SYT3: variants seen among roughly 807,000 people sequenced by gnomAD.
SYT3 encodes synaptotagmin-3.
A neutral mutation model predicts 50.6 loss-of-function variants in SYT3; 25 were observed. The ratio of observed to expected loss-of-function variants is 0.49; its 90% CI spans 0.36 to 0.69. SYT3 has a LOEUF of 0.69. Ranked by LOEUF, SYT3 falls within the 30% of genes least tolerant of loss-of-function variation. The probability of loss-of-function intolerance (pLI) is 0.00; values close to 1 mark genes in which losing one functional copy is unlikely to be tolerated. For synonymous variants in SYT3, 323 were observed against 353.9 expected, an observed-to-expected ratio of 0.91 and a Z score of 0.98; for missense variants, 589 against 793.6, an observed-to-expected ratio of 0.74 and a Z score of 3.10.
chr19:50,629,032 C>G (rs1044678141), intron 6 of SYT3, among the ~76,000 whole-genome samples: 18 of 152,032 alleles, frequency 1.2e-4, no homozygotes, highest in African/African-American at 4.3e-4. Flanking sequence ...CCATGTTGGC[C>G]AGGCTGGTCT....
chr19:50,628,609 T>G (rs1425095828), intron 6 of SYT3, among the ~76,000 whole-genome samples: 1 of 151,826 alleles, frequency 6.6e-6, no homozygotes, highest in Non-Finnish European at 1.5e-5. Flanking sequence ...GTTCAGAGAT[T>G]AGAGAGGGAC....
At chr19:50,652,139 A>G in the SYT3 span, among the ~76,000 whole-genome samples, 1 of 152,182 alleles carries the variant, frequency 6.6e-6, no homozygotes, top group Non-Finnish European at 1.5e-5. Context: ...GTGAACCACC[A>G]TGCCCGGCCT....
At chr19:50,636,845 T>C (rs1228591971) in intron 3 of SYT3, among the ~76,000 whole-genome samples, 1 of 152,186 alleles carries the variant, frequency 6.6e-6, no homozygotes, top group Non-Finnish European at 1.5e-5. Flanking sequence ...TTTCATCTGC[T>C]CTATGAAGCA....
chr19:50,630,299 T>C (rs1984254508), intron 4 of SYT3, 128 bp from the exon 5 acceptor site: 1 of 951,336 alleles, frequency 1.1e-6, no homozygotes, highest in Non-Finnish European at 1.5e-6. Context: ...AGTCCCCTCC[T>C]TTGCTCACTG....
the SYT3 span, among the ~76,000 whole-genome samples, chr19:50,646,882 G>A: frequency 6.6e-6 from 1 of 152,058 alleles, no homozygotes; most frequent in African/African-American, 2.4e-5. Context: ...CCAGGCTGGA[G>A]TGCAGTGGCG....
At chr19:50,626,119 C>T (rs1008230940) in intron 6 of SYT3, 102 bp from the exon 7 acceptor site, 2 of 1,471,948 alleles carry the variant, frequency 1.4e-6, no homozygotes, top group Non-Finnish European at 1.8e-6. Flanking sequence ...CCCTGACATC[C>T]AGGGCTCAGG....
chr19:50,653,682 G>GCACACACA, the SYT3 span, among the ~76,000 whole-genome samples: 115 of 121,920 alleles, frequency 9.4e-4, 1 homozygote, highest in East Asian at 2.1e-3. Flanking sequence ...ATGAGAGACA[G>GCACACACA]CACACACACA....
At chr19:50,649,300 G>C in the SYT3 span, 1 of 767,104 alleles carries the variant, frequency 1.3e-6, no homozygotes. Context: ...CATGGTCTCA[G>C]CCTTCCAGTT....
rs1301626933 is a variant in SYT3, at chr19:50,632,027, C to T, written c.674+259G>A. Among the ~76,000 whole-genome samples the T allele has an allele frequency of 6.6e-6, 1 of 152,024 alleles. No individual in the cohort carries two copies. The highest frequency in any genetic ancestry group is 2.4e-5 in the African/African-American group (1 of 41,382). On this transcript the variant is annotated intron_variant, in intron 4 of 10. Transcript: ENST00000600079. This position sits in a 1 kb window ranked among gnomAD's most constrained non-coding sequence, Gnocchi z 4.7. The stretch of plus-strand genomic sequence containing the variant: ...CTACTTTCCTGTCCTAAGTCCTGCC[C>T]CCAGTCTCCTCCCTCTGGACCCAGG...
the SYT3 span, among the ~76,000 whole-genome samples, chr19:50,647,840 A>G: frequency 2.6e-5 from 4 of 152,168 alleles, no homozygotes; most frequent in African/African-American, 9.7e-5. Context: ...CAAGGCAATC[A>G]TGTCCTCCAT....
the SYT3 span, among the ~76,000 whole-genome samples, chr19:50,653,887 T>G: frequency 3.3e-5 from 5 of 152,092 alleles, no homozygotes; most frequent in African/African-American, 1.2e-4. Flanking sequence ...CTGGGAATCT[T>G]CATCTCATTG....
the SYT3 span, among the ~76,000 whole-genome samples, chr19:50,655,079 C>G: frequency 6.6e-6 from 1 of 152,222 alleles, no homozygotes; most frequent in Non-Finnish European, 1.5e-5. Context: ...AGTTACACCT[C>G]TCACTCCAGC....
rs1468288601 is a variant in SYT3, at chr19:50,629,980, G to A, written c.866C>T (p.Pro289Leu). The A allele has an allele frequency of 6.2e-7, 1 of 1,613,634 alleles. No homozygotes were observed. Among genetic ancestry groups the A allele is most frequent in the Non-Finnish European group, 8.5e-7 (1 of 1,179,838 alleles). ...GPGGRRSGGG[P>L]GSGEAGTGAP... ...CCCTGTGCCTGCCTCTCCAGAGCCTGGGCCCCCACCGCTCCGCCGGCCACC... is the reference window on the plus strand; with the variant it reads ...CCCTGTGCCTGCCTCTCCAGAGCCTAGGCCCCCACCGCTCCGCCGGCCACC... Residue 289 changes from proline to leucine, a missense_variant, in exon 5 of 11, where the codon CCA becomes CTA. Pro to Leu is a moderately conservative substitution (Grantham distance 98, BLOSUM62 -3). Around this residue, in one of 2 missense-constraint regions of SYT3, gnomAD observed 273 missense variants for 439.3 expected, o/e 0.62. Transcript: ENST00000600079.
chr19:50,657,866 T>C, the SYT3 span: 172 of 1,294,724 alleles, frequency 1.3e-4, no homozygotes, highest in African/African-American at 2.5e-3. Context: ...GAGCGATCCT[T>C]GCCCCTCAAA....
rs749329471 is a variant in SYT3, at chr19:50,637,253, G to A, written c.148+11C>T. 6.2e-7 allele frequency: 1 copy of A among 1,611,444 alleles called. No homozygotes were observed. The highest frequency in any genetic ancestry group is 1.1e-5 in the South Asian group (1 of 91,028). ...AGCAGGGGGCTGGCCAAGACAGGCA[G>A]GGGTGCTGACCTGCATCTGGACCCC... On this transcript the variant is annotated intron_variant, in intron 3 of 10. Coordinates refer to ENST00000600079, the MANE Select transcript of SYT3 (RefSeq NM_001160329.2). The surrounding 1 kb of genome is among the most constrained non-coding windows in gnomAD (Gnocchi z 4.9).
In SYT3 at chr19:50,639,347, T is replaced by G. The variant is rs1984595387; in HGVS notation, c.-153-185A>C. ...TCGCGCTCGCGCTGCTGCGGCTTCA[T>G]AGACCCGGCGCTGCAGGATCTGCTG... On this transcript the variant is annotated intron_variant, in intron 1 of 10. Coordinates refer to ENST00000600079, the MANE Select transcript of SYT3 (RefSeq NM_001160329.2). The surrounding 1 kb of genome is among the most constrained non-coding windows in gnomAD (Gnocchi z 4.6). The G allele has an allele frequency of 6.6e-6, 1 of 151,874 alleles. No homozygotes were observed. The highest frequency in any genetic ancestry group is 6.6e-5 in the Admixed American group (1 of 15,258). The allele number at this position is 151,874 out of a possible 1,614,324, so 9.4% of individuals were successfully genotyped here. A position where few individuals can be genotyped will look rare whatever the true frequency, so the allele number is the denominator to read the frequency against.
rs868648216 is a variant in SYT3 at position 50,632,553 on chromosome 19, G to T, written c.407C>A (p.Ala136Asp). The T allele has an allele frequency of 6.3e-7, 1 of 1,599,574 alleles. No homozygotes were observed. Among genetic ancestry groups the T allele is most frequent in the South Asian group, 1.1e-5 (1 of 90,514 alleles). ...CTCAGCAAAGGGTGGATGGTGGGCGGCATGGGCATGGTGGTGTGGGCCGCC... is the reference window on the plus strand; with the variant it reads ...CTCAGCAAAGGGTGGATGGTGGGCGTCATGGGCATGGTGGTGTGGGCCGCC... ...LLGGPHHHAHAAHHPPFAELL... is the reference protein window; with the variant it reads ...LLGGPHHHAHDAHHPPFAELL... Residue 136 changes from alanine to aspartate, a missense_variant, in exon 4 of 11, where the codon GCC becomes GAC. Around this residue, in one of 2 missense-constraint regions of SYT3, gnomAD observed 316 missense variants for 354.3 expected, o/e 0.89. Coordinates refer to ENST00000600079, the MANE Select transcript of SYT3 (RefSeq NM_001160329.2). The surrounding 1 kb of genome is among the most constrained non-coding windows in gnomAD (Gnocchi z 4.7).
the SYT3 span, among the ~76,000 whole-genome samples, chr19:50,648,748 C>T: frequency 7.1e-6 from 1 of 141,260 alleles, no homozygotes; most frequent in African/African-American, 2.7e-5. Flanking sequence ...CCATCCCCTC[C>T]CCACTAGAGA....
intron 6 of SYT3, 33 bp downstream of exon 6, chr19:50,629,261 G>T: frequency 6.5e-7 from 1 of 1,546,146 alleles, no homozygotes; most frequent in East Asian, 2.3e-5. Flanking sequence ...CAGGGCCCTG[G>T]GAAGGGGAAG....
Sources: allele counts gnomAD v4.1 joint callset (sites outside exome capture counted in the v4.1 genomes callset), GRCh38; gene constraint gnomAD v4.1.1; regional missense constraint gnomAD v4.1.1; non-coding constraint Gnocchi (gnomAD v3.1); transcripts MANE v1.5; gene names NCBI Gene and HGNC (gene_info 2026-07-23, HGNC 2026-07-21).